The following ZNF808 variants were observed in gnomAD, a reference collection of about 807,000 sequenced individuals.
ZNF808 encodes the protein zinc finger protein 808.
Under a neutral mutation model 8.7 loss-of-function variants are expected in ZNF808, and 5 were observed. The ratio of observed to expected loss-of-function variants is 0.58; its 90% CI spans 0.30 to 1.21. The LOEUF is 1.21. Among genes scored for constraint, ZNF808 ranks in the 50% most tolerant of loss-of-function variants. ZNF808 has a pLI of 0.07. For synonymous variants in ZNF808, 380 were observed against 366.0 expected (o/e 1.04, Z -0.44); for missense variants, 1,103 against 1,098.4 (o/e 1.00, Z -0.06).
intron 3 of ZNF808, among the ~76,000 whole-genome samples, chr19:52,544,158 CAAAAG>C (rs2059699125): frequency 6.6e-6 from 1 of 151,748 alleles, no homozygotes; most frequent in East Asian, 1.9e-4. Flanking sequence ...GACTCTGTCT[CAAAAG>C]AAAAAAGAGA....
At chr19:52,558,550 T>G (rs2123222059), downstream of ZNF808, among the ~76,000 whole-genome samples, 1 of 150,852 alleles carries the variant, frequency 6.6e-6, no homozygotes, top group African/African-American at 2.4e-5. Flanking sequence ...TTTTATATTT[T>G]TAGTAGAGAC....
At chr19:52,536,294 T>C (rs1228584017) in intron 2 of ZNF808, among the ~76,000 whole-genome samples, 1 of 152,158 alleles carries the variant, frequency 6.6e-6, no homozygotes, top group Non-Finnish European at 1.5e-5. Flanking sequence ...TTAGTTTTCC[T>C]GGTCAAAACC....
chr19:52,558,432 T>G (rs1357626997), downstream of ZNF808, among the ~76,000 whole-genome samples: 1 of 151,008 alleles, frequency 6.6e-6, no homozygotes, highest in Non-Finnish European at 1.5e-5. Context: ...AGTGCAGTGG[T>G]GTGATCTCGG....
chr19:52,550,136 ACTTAC>A (rs1487497320), intron 4 of ZNF808, among the ~76,000 whole-genome samples: 3 of 151,790 alleles, frequency 2.0e-5, no homozygotes, highest in Non-Finnish European at 4.4e-5. Flanking sequence ...CTTGTCCCTC[ACTTAC>A]CTTATGTGCA....
intron 4 of ZNF808, among the ~76,000 whole-genome samples, chr19:52,549,662 A>C (rs1239383463): frequency 1.3e-5 from 2 of 151,968 alleles, no homozygotes; most frequent in Non-Finnish European, 2.9e-5. Flanking sequence ...GCATGCACAA[A>C]GTTTACTCCT....
intron 3 of ZNF808, among the ~76,000 whole-genome samples, chr19:52,562,562 A>AT (rs1486997917): frequency 1.3e-5 from 2 of 152,044 alleles, no homozygotes; most frequent in African/African-American, 4.8e-5. Context: ...CCTGCATCAT[A>AT]TTTTTTATGT....
chr19:52,530,874 G>A (rs1320516181), intron 1 of ZNF808, among the ~76,000 whole-genome samples: 1 of 152,176 alleles, frequency 6.6e-6, no homozygotes, highest in Non-Finnish European at 1.5e-5. Context: ...TCCGGAGGCT[G>A]AGGCAGGAGA....
At chr19:52,551,194 A>G (rs1282459834) in intron 4 of ZNF808, among the ~76,000 whole-genome samples, 1 of 152,096 alleles carries the variant, frequency 6.6e-6, no homozygotes, top group East Asian at 1.9e-4. Context: ...TCTAGTAAAA[A>G]TACAAAAATT....
intron 2 of ZNF808, among the ~76,000 whole-genome samples, chr19:52,538,506 T>C (rs895176372): frequency 1.2e-4 from 18 of 150,740 alleles, no homozygotes; most frequent in East Asian, 2.0e-4. Context: ...CACCATGCCC[T>C]GCTAATTTTG....
At chr19:52,565,796 T>G (rs767509234), downstream of ZNF808, among the ~76,000 whole-genome samples, 2 of 152,340 alleles carry the variant, frequency 1.3e-5, no homozygotes, top group East Asian at 3.9e-4. Flanking sequence ...TTATTTCACC[T>G]TCCCAGATCG....
At chr19:52,534,802 T>C (rs1031693660) in intron 2 of ZNF808, among the ~76,000 whole-genome samples, 2 of 151,922 alleles carry the variant, frequency 1.3e-5, no homozygotes, top group Non-Finnish European at 2.9e-5. Context: ...GGCAGAAGAA[T>C]AGCTTCAACC....
Position 52,555,167 on chromosome 19 carries a change from C to A in ZNF808, c.2251C>A (p.Leu751Ile). The change falls in exon 5 of 5, where the codon CTA (leucine) becomes ATA (isoleucine). Residue 751 changes from leucine to isoleucine, a missense_variant. Leu to Ile is a conservative substitution (Grantham distance 5). Transcript: ENST00000359798. ...SKTFSQKATL[L>I]CHRRLHSGEK... Reference sequence around the variant, plus strand: ...GACGTTCAGTCAGAAGGCAACCCTTCTATGCCATCGTAGACTTCATAGTGG... The same window carrying A: ...GACGTTCAGTCAGAAGGCAACCCTTATATGCCATCGTAGACTTCATAGTGG... 1 of 1,613,272 alleles carries A rather than the reference C, an allele frequency of 6.2e-7. No individual in the cohort carries two copies. Among genetic ancestry groups the A allele is most frequent in the Admixed American group, 1.7e-5 (1 of 59,958 alleles).
chr19:52,539,012 C>T (rs92520), intron 2 of ZNF808, among the ~76,000 whole-genome samples: 44,655 of 149,634 alleles, frequency 0.3, 5,289 homozygotes, highest in East Asian at 0.48. Flanking sequence ...TTGACTCATT[C>T]GTTGTGGATC....
At chr19:52,565,352 TACTA>T (rs2059870624), downstream of ZNF808, among the ~76,000 whole-genome samples, 2 of 152,162 alleles carry the variant, frequency 1.3e-5, no homozygotes, top group Admixed American at 1.3e-4. Context: ...AAATCAAAAT[TACTA>T]ACCAAAGAGA....
At chr19:52,545,224 C>T (rs536594578) in intron 3 of ZNF808, among the ~76,000 whole-genome samples, 30 of 152,098 alleles carry the variant, frequency 2.0e-4, no homozygotes, top group African/African-American at 7.2e-4. Context: ...GGCAGGAGTG[C>T]AGTGGGGTGA....
At chr19:52,565,788 A>G (rs141312083), downstream of ZNF808, among the ~76,000 whole-genome samples, 18 of 152,234 alleles carry the variant, frequency 1.2e-4, no homozygotes, top group East Asian at 3.5e-3. Flanking sequence ...AATTCCAGTT[A>G]TTTCACCTTC....
chr19:52,560,792 A>C (rs1350466011), downstream of ZNF808, among the ~76,000 whole-genome samples: 3 of 152,182 alleles, frequency 2.0e-5, no homozygotes, highest in Non-Finnish European at 4.4e-5. Flanking sequence ...ATGTGCATGC[A>C]CAAAGTTCAC....
intron 2 of ZNF808, among the ~76,000 whole-genome samples, chr19:52,538,349 A>ATTG (rs1468674730): frequency 6.6e-6 from 1 of 151,904 alleles, no homozygotes; most frequent in African/African-American, 2.4e-5. Flanking sequence ...TATTATTATT[A>ATTG]TTAGTTTTTT....
downstream of ZNF808, among the ~76,000 whole-genome samples, chr19:52,568,062 T>C (rs1307082310): frequency 6.6e-6 from 1 of 152,182 alleles, no homozygotes; most frequent in Non-Finnish European, 1.5e-5. Flanking sequence ...TCCGGTGGCA[T>C]GCAGGCGCAA....
Sources: allele counts gnomAD v4.1 joint callset (sites outside exome capture counted in the v4.1 genomes callset), GRCh38; gene constraint gnomAD v4.1.1; transcripts MANE v1.5; gene names NCBI Gene and HGNC (gene_info 2026-07-23, HGNC 2026-07-21).